Variants in ABCG2 observed in about 807,000 individuals in gnomAD.
The protein encoded by ABCG2 is broad substrate specificity ATP-binding cassette transporter ABCG2.
ABCG2 carries 80 observed loss-of-function variants against 73.5 expected under a neutral mutation model. The observed-to-expected ratio is 1.09, with a 90% CI of 0.91 to 1.31. ABCG2 has a LOEUF of 1.31. ABCG2 is among the 50% of genes most tolerant of loss of function. The pLI is 0.00. For synonymous variants in ABCG2, 269 were observed against 282.4 expected, an observed-to-expected ratio of 0.95 and a Z score of 0.48; for missense variants, 796 against 786.2, an observed-to-expected ratio of 1.01 and a Z score of -0.15.
At chr4:88,102,672 T>G (rs1465755604) in intron 10 of ABCG2, among the ~76,000 whole-genome samples, 1 of 152,004 alleles carries the variant, frequency 6.6e-6, no homozygotes, top group Non-Finnish European at 1.5e-5. Context: ...CAAATATGCA[T>G]TTTATGAAAG....
chr4:88,186,640 C>T (rs1009538438), intron 1 of ABCG2, among the ~76,000 whole-genome samples: 3 of 151,674 alleles, frequency 2.0e-5, no homozygotes, highest in Non-Finnish European at 2.9e-5. Flanking sequence ...AGCCGGGCGG[C>T]CGGGCGCGGT....
In ABCG2 at chr4:88,107,200, T is replaced by C. The variant is rs199854112; in HGVS notation, c.1261A>G (p.Thr421Ala). 7.5e-5 allele frequency: 121 copies of C among 1,612,682 alleles called. No homozygotes were observed. The highest frequency in any genetic ancestry group is 1.6e-4 in the Middle Eastern group (1 of 6,072). ...AIYFGLKNDS[T>A]GIQNRAGVLF... Reference sequence around the variant, plus strand: ...TTTACTTACCTGTTCTGGATTCCAGTAGAATCATTTTTTAGCCCAAAGTAA... The same window carrying C: ...TTTACTTACCTGTTCTGGATTCCAGCAGAATCATTTTTTAGCCCAAAGTAA... Residue 421 changes from threonine (T) to alanine (A), a missense_variant, in exon 10 of 16, where the codon ACT becomes GCT. Thr to Ala is a moderately conservative substitution (Grantham distance 58, BLOSUM62 0). Coordinates refer to ENST00000237612, the MANE Select transcript of ABCG2 (RefSeq NM_004827.3).
intron 1 of ABCG2, among the ~76,000 whole-genome samples, chr4:88,142,256 C>T (rs1442939352): frequency 6.6e-6 from 1 of 151,820 alleles, no homozygotes; most frequent in Non-Finnish European, 1.5e-5. Flanking sequence ...GAAATACTGG[C>T]CAGTATTTTC....
At chr4:88,150,679 C>T (rs1416355726) in intron 1 of ABCG2, among the ~76,000 whole-genome samples, 2 of 152,186 alleles carry the variant, frequency 1.3e-5, no homozygotes, top group African/African-American at 2.4e-5. Flanking sequence ...AAACAAAAAT[C>T]ACATAATGTT....
At chr4:88,151,332 G>A (rs1322491616) in intron 1 of ABCG2, among the ~76,000 whole-genome samples, 1 of 152,196 alleles carries the variant, frequency 6.6e-6, no homozygotes, top group Non-Finnish European at 1.5e-5. Context: ...ACACAGCATT[G>A]TGCCTACAAC....
intron 1 of ABCG2, among the ~76,000 whole-genome samples, chr4:88,195,728 T>C (rs1015107385): frequency 7.9e-5 from 12 of 152,330 alleles, no homozygotes; most frequent in Admixed American, 3.3e-4. Flanking sequence ...ACTGGCATAC[T>C]TCCGGGGTCT....
intron 1 of ABCG2, among the ~76,000 whole-genome samples, chr4:88,150,460 T>A (rs761643730): frequency 1.5e-4 from 23 of 152,128 alleles, no homozygotes; most frequent in Non-Finnish European, 3.2e-4. Context: ...GGAACTCGGG[T>A]TGTATCTACC....
chr4:88,187,805 A>T (rs547820608), intron 1 of ABCG2, among the ~76,000 whole-genome samples: 1 of 152,200 alleles, frequency 6.6e-6, no homozygotes, highest in Non-Finnish European at 1.5e-5. Context: ...TACTAAGAAG[A>T]GTGAATAGAG....
chr4:88,196,030 G>C (rs959095198), intron 1 of ABCG2, among the ~76,000 whole-genome samples: 1 of 152,114 alleles, frequency 6.6e-6, no homozygotes, highest in African/African-American at 2.4e-5. Context: ...ATTGGGAGAC[G>C]ACCTTTCCCT....
At chr4:88,172,024 G>A (rs372914449) in intron 1 of ABCG2, among the ~76,000 whole-genome samples, 9 of 152,074 alleles carry the variant, frequency 5.9e-5, no homozygotes, top group East Asian at 1.9e-4. Flanking sequence ...GGCTGGGTGC[G>A]TTGGCTCATG....
At chr4:88,191,314 CA>C (rs1240968506) in intron 1 of ABCG2, among the ~76,000 whole-genome samples, 7 of 150,526 alleles carry the variant, frequency 4.7e-5, no homozygotes, top group African/African-American at 1.7e-4. Flanking sequence ...AAAGACATTT[CA>C]CCTAAGATAT....
At chr4:88,196,520 G>T (rs1484045898) in intron 1 of ABCG2, among the ~76,000 whole-genome samples, 1 of 152,086 alleles carries the variant, frequency 6.6e-6, no homozygotes, top group East Asian at 1.9e-4. Context: ...TCCATTATTT[G>T]ATGCAAAAGC....
chr4:88,131,083 A>G lies in ABCG2; in HGVS notation c.509T>C (p.Leu170Pro). ...TACCTTGGAGTCTGCCACTTTATCC[A>G]GACCTAACTCTTGAATGACCCTGTT... ...RINRVIQELG[L>P]DKVADSKVGT... Residue 170 changes from leucine to proline, a missense_variant, in exon 5 of 16, where the codon CTG (leucine) becomes CCG (proline). Transcript: ENST00000237612. 6.2e-7 allele frequency: 1 copy of G among 1,614,036 alleles called. No homozygotes were observed. Among genetic ancestry groups the G allele is most frequent in the Non-Finnish European group, 8.5e-7 (1 of 1,180,000 alleles).
chr4:88,122,559 G>A (rs1724081949), intron 5 of ABCG2, among the ~76,000 whole-genome samples: 1 of 152,164 alleles, frequency 6.6e-6, no homozygotes, highest in African/African-American at 2.4e-5. Context: ...AATTCGAACT[G>A]GGTAGAGCCG....
chr4:88,180,995 A>G (rs1728210656), intron 1 of ABCG2, among the ~76,000 whole-genome samples: 1 of 152,180 alleles, frequency 6.6e-6, no homozygotes, highest in Non-Finnish European at 1.5e-5. Flanking sequence ...ATATAAATAG[A>G]AAAAAACAAA....
At chr4:88,098,343 T>G (rs1200857996) in intron 12 of ABCG2, among the ~76,000 whole-genome samples, 2 of 152,044 alleles carry the variant, frequency 1.3e-5, no homozygotes, top group Non-Finnish European at 2.9e-5. Context: ...TGTGTGTGCA[T>G]GTGTTTATCA....
intron 1 of ABCG2, among the ~76,000 whole-genome samples, chr4:88,185,185 A>C (rs1188285755): frequency 1.3e-5 from 2 of 152,196 alleles, no homozygotes; most frequent in Non-Finnish European, 2.9e-5. Flanking sequence ...CAACATGATG[A>C]AACCCTATCT....
At chr4:88,186,691 G>A (rs534529854) in intron 1 of ABCG2, among the ~76,000 whole-genome samples, 131 of 151,554 alleles carry the variant, frequency 8.6e-4, no homozygotes, top group African/African-American at 2.5e-3. Context: ...AGGCCGAGGC[G>A]GGCGGATCAC....
intron 1 of ABCG2, among the ~76,000 whole-genome samples, chr4:88,196,197 T>C (rs1055944586): frequency 6.6e-6 from 1 of 152,166 alleles, no homozygotes; most frequent in African/African-American, 2.4e-5. Flanking sequence ...GAGCTCTGCA[T>C]TGGAGCTTGC....
Sources: gnomAD v4.1 joint callset for allele counts (sites outside exome capture counted in the v4.1 genomes callset) on GRCh38, gnomAD v4.1.1 for gene constraint, MANE v1.5 for transcripts, NCBI Gene and HGNC (gene_info 2026-07-23, HGNC 2026-07-21) for gene names.